ACYP2: variants seen among roughly 807,000 people sequenced by gnomAD.
ACYP2 encodes the protein acylphosphatase 2, also known as acylphosphatase-2.
In ACYP2, 12 loss-of-function variants were observed where a neutral mutation model predicts 11.2. The ratio of observed to expected loss-of-function variants is 1.08; its 90% CI spans 0.69 to 1.74. The LOEUF is 1.74. Among genes scored for constraint, ACYP2 ranks in the 40% most tolerant of loss-of-function variants. ACYP2 has a pLI of 0.00. For missense variants in ACYP2, 134 were observed against 101.9 expected (o/e 1.31, Z -1.35); for synonymous variants, 43 against 32.2 (o/e 1.33, Z -1.13).
At chr2:54,109,939 T>A (rs1238267257) in intron 4 of ACYP2, among the ~76,000 whole-genome samples, 2 of 152,190 alleles carry the variant, frequency 1.3e-5, no homozygotes, top group East Asian at 3.8e-4. Context: ...CACCTCAAGT[T>A]CTTTTTCTGT....
intron 6 of ACYP2, among the ~76,000 whole-genome samples, chr2:54,169,723 A>G (rs899165882): frequency 6.6e-6 from 1 of 152,168 alleles, no homozygotes; most frequent in Non-Finnish European, 1.5e-5. Flanking sequence ...TTCTATTTCT[A>G]TAAGTTAATT....
intron 6 of ACYP2, among the ~76,000 whole-genome samples, chr2:54,163,561 ATGTT>A (rs1245638170): frequency 5.9e-5 from 9 of 152,330 alleles, no homozygotes; most frequent in African/African-American, 1.9e-4. Flanking sequence ...TGGTTCATAA[ATGTT>A]TGTTATCGGC....
intron 6 of ACYP2, among the ~76,000 whole-genome samples, chr2:54,182,581 T>A (rs978568899): frequency 6.6e-6 from 1 of 151,952 alleles, no homozygotes; most frequent in Non-Finnish European, 1.5e-5. Flanking sequence ...CAAGCAGTCC[T>A]CCTGCCTTGG....
intron 6 of ACYP2, among the ~76,000 whole-genome samples, chr2:54,291,364 G>A (rs760312877): frequency 6.6e-6 from 1 of 152,090 alleles, no homozygotes; most frequent in South Asian, 2.1e-4. Flanking sequence ...ACAGAAGTGT[G>A]GCCACCATAC....
intron 2 of ACYP2, among the ~76,000 whole-genome samples, chr2:54,004,241 C>G (rs913005875): frequency 6.6e-6 from 1 of 152,032 alleles, no homozygotes; most frequent in African/African-American, 2.4e-5. Flanking sequence ...CCCACCTCGG[C>G]CTCCCAAAGT....
At chr2:54,009,470 A>C (rs1344960758) in intron 2 of ACYP2, among the ~76,000 whole-genome samples, 2 of 152,140 alleles carry the variant, frequency 1.3e-5, no homozygotes, top group Non-Finnish European at 2.9e-5. Context: ...GCTACTTGGG[A>C]GGCTGAGGCA....
chr2:54,068,080 G>T (rs1022986997), intron 4 of ACYP2, among the ~76,000 whole-genome samples: 6 of 152,158 alleles, frequency 3.9e-5, no homozygotes, highest in African/African-American at 1.4e-4. Flanking sequence ...AGCCAGCTTA[G>T]CTTATTCTTA....
At chr2:54,002,738 G>A (rs1446082755) in intron 2 of ACYP2, among the ~76,000 whole-genome samples, 1 of 150,810 alleles carries the variant, frequency 6.6e-6, no homozygotes, top group African/African-American at 2.5e-5. Context: ...CACAACCTGT[G>A]CCTCCCAGGT....
At chr2:53,982,830 G>C (rs10180649) in intron 2 of ACYP2, among the ~76,000 whole-genome samples, 31 of 38,702 alleles carry the variant, frequency 8.0e-4, no homozygotes, top group East Asian at 5.0e-3. Context: ...ACACAAGACT[G>C]TGTGTGTGTG....
intron 4 of ACYP2, among the ~76,000 whole-genome samples, chr2:54,116,203 C>A (rs1679782752): frequency 6.6e-6 from 1 of 152,036 alleles, no homozygotes; most frequent in South Asian, 2.1e-4. Context: ...TTTTTTAGAC[C>A]TCTTTGTAGC....
At chr2:54,007,980 G>T (rs1673167625) in intron 2 of ACYP2, among the ~76,000 whole-genome samples, 2 of 152,218 alleles carry the variant, frequency 1.3e-5, no homozygotes, top group South Asian at 2.1e-4. Flanking sequence ...CCCAAAGTTA[G>T]CTCGGCCTAT....
Position 54,201,594 on chromosome 2 carries a change from C to CTTTCTTTCTTTCTT in ACYP2, c.404+62847_404+62848insTTCTTTCTTTCTTT, listed in dbSNP as rs57144917. ...ATAGCCAGCTTCTTTTTCTTTCTTT[C>CTTTCTTTCTTTCTT]TCTTTCTTTCTTTCTTTCTTTCTTT... On this transcript the variant is annotated intron_variant, in intron 6 of 6. Coordinates refer to ENST00000607452, the MANE Select transcript of ACYP2 (RefSeq NM_001320586.2). Among the ~76,000 whole-genome samples the CTTTCTTTCTTTCTT allele has an allele frequency of 1.1e-3, 109 of 95,760 alleles. 4 individuals carry two copies. Among genetic ancestry groups the CTTTCTTTCTTTCTT allele is most frequent in the African/African-American group, 4.2e-3 (105 of 24,892 alleles). The allele number at this position is 95,760 out of a possible 152,430, so 62.8% of individuals were successfully genotyped here. A position where few individuals can be genotyped will look rare whatever the true frequency, so the allele number is the denominator to read the frequency against.
At chr2:54,045,612 C>T (rs764572098) in intron 2 of ACYP2, among the ~76,000 whole-genome samples, 4 of 151,416 alleles carry the variant, frequency 2.6e-5, no homozygotes, top group Non-Finnish European at 5.9e-5. Flanking sequence ...GTAAGGAGAT[C>T]GAGACCATCC....
chr2:53,998,601 G>A, intron 2 of ACYP2, among the ~76,000 whole-genome samples: 1 of 152,050 alleles, frequency 6.6e-6, no homozygotes, highest in Non-Finnish European at 1.5e-5. Context: ...GATCGTTTGA[G>A]CCCAGGGGTT....
chr2:54,005,993 G>A (rs1015889439), intron 2 of ACYP2, among the ~76,000 whole-genome samples: 6 of 151,598 alleles, frequency 4.0e-5, no homozygotes, highest in African/African-American at 1.5e-4. Flanking sequence ...CATATAGGCC[G>A]GGCGTGGTGA....
intron 6 of ACYP2, among the ~76,000 whole-genome samples, chr2:54,286,486 T>G (rs971899621): frequency 1.3e-5 from 2 of 152,068 alleles, no homozygotes; most frequent in Non-Finnish European, 2.9e-5. Flanking sequence ...CAAGCCACTA[T>G]TACTGTGCTT....
chr2:54,195,436 C>T (rs897651706), intron 6 of ACYP2, among the ~76,000 whole-genome samples: 2 of 152,100 alleles, frequency 1.3e-5, no homozygotes, highest in African/African-American at 4.8e-5. Context: ...CCAAGTAATA[C>T]TAGCTGAAAC....
chr2:54,050,562 AAAAG>A (rs1478942588), intron 2 of ACYP2, among the ~76,000 whole-genome samples: 1 of 151,792 alleles, frequency 6.6e-6, no homozygotes, highest in Non-Finnish European at 1.5e-5. Flanking sequence ...AAAAAAAAAA[AAAAG>A]AAAATAACTA....
chr2:54,015,474 C>G (rs1306601126), intron 2 of ACYP2, among the ~76,000 whole-genome samples: 1 of 150,338 alleles, frequency 6.7e-6, no homozygotes, highest in Non-Finnish European at 1.5e-5. Flanking sequence ...TGCCATTGTT[C>G]TCCAGGGAAA....
Sources: allele counts gnomAD v4.1 joint callset (sites outside exome capture counted in the v4.1 genomes callset), GRCh38; gene constraint gnomAD v4.1.1; transcripts MANE v1.5; gene names NCBI Gene and HGNC (gene_info 2026-07-23, HGNC 2026-07-21).